The following SLC1A2 variants were observed in gnomAD, a reference collection of about 807,000 sequenced individuals.
The protein encoded by SLC1A2 is solute carrier family 1 member 2.
A neutral mutation model predicts 48.8 loss-of-function variants in SLC1A2; 15 were observed. That is an observed-to-expected ratio of 0.31 (90% CI 0.21 to 0.47). The LOEUF is 0.47. Among genes scored for constraint, SLC1A2 ranks in the 20% least tolerant of loss-of-function variants. The pLI, the probability that SLC1A2 is intolerant of heterozygous loss-of-function variation, is 0.99. For missense variants in SLC1A2, 502 were observed against 730.5 expected, an observed-to-expected ratio of 0.69 and a Z score of 3.61; for synonymous variants, 279 against 272.6, an observed-to-expected ratio of 1.02 and a Z score of -0.23.
chr11:35,318,154 A>T (rs1273491127), intron 1 of SLC1A2, among the ~76,000 whole-genome samples: 2 of 152,256 alleles, frequency 1.3e-5, no homozygotes, highest in Non-Finnish European at 2.9e-5. Flanking sequence ...TACCACTTAG[A>T]GTCCAAGAAG....
intron 1 of SLC1A2, among the ~76,000 whole-genome samples, chr11:35,370,086 C>T (rs920654906): frequency 1.3e-5 from 2 of 152,198 alleles, no homozygotes; most frequent in African/African-American, 4.8e-5. Flanking sequence ...GCACAGTTGT[C>T]AGTAACAATA....
In SLC1A2 at chr11:35,273,672, C is replaced by T. The variant is rs1181720928; in HGVS notation, c.1421+7195G>A. 2.6e-5 allele frequency among the ~76,000 whole-genome samples: 4 copies of T among 152,258 alleles called. No individual in the cohort carries two copies. In the South Asian group the frequency reaches 6.2e-4, roughly 24 times the overall value. Reference sequence around the variant, plus strand: ...ATTTCTTTTTGCACCTAGGAGGCTCCATTGGGATTTCTTGACCCCATTACT... The same window carrying T: ...ATTTCTTTTTGCACCTAGGAGGCTCTATTGGGATTTCTTGACCCCATTACT... On this transcript the variant is annotated intron_variant, in intron 9 of 10. Coordinates refer to ENST00000278379, the MANE Select transcript of SLC1A2 (RefSeq NM_004171.4).
chr11:35,370,847 CAAG>C (rs1288455217), intron 1 of SLC1A2: 1 of 590,936 alleles, frequency 1.7e-6, no homozygotes, highest in Non-Finnish European at 2.1e-6. Flanking sequence ...CCTCCCAGGC[CAAG>C]AAGAACATGA....
intron 1 of SLC1A2, among the ~76,000 whole-genome samples, chr11:35,331,909 C>A (rs1852443326): frequency 6.6e-6 from 1 of 152,164 alleles, no homozygotes; most frequent in Non-Finnish European, 1.5e-5. Context: ...ATACATCTAT[C>A]CCTGGGCCCT....
intron 9 of SLC1A2, among the ~76,000 whole-genome samples, chr11:35,275,410 A>C (rs1321156326): frequency 6.6e-6 from 1 of 151,988 alleles, no homozygotes; most frequent in Admixed American, 6.6e-5. Context: ...TTACCACTCC[A>C]TCCTGCCTCC....
intron 5 of SLC1A2, among the ~76,000 whole-genome samples, chr11:35,304,821 T>C (rs1197677032): frequency 2.6e-5 from 4 of 152,172 alleles, no homozygotes; most frequent in Non-Finnish European, 5.9e-5. Context: ...ACTTTTTTTT[T>C]AGTATTATTA....
At chr11:35,377,274 G>C (rs1219343734) in intron 1 of SLC1A2, among the ~76,000 whole-genome samples, 2 of 152,174 alleles carry the variant, frequency 1.3e-5, no homozygotes, top group Non-Finnish European at 2.9e-5. Context: ...TGGAAACCAC[G>C]TGTCTCAAGA....
intron 1 of SLC1A2, among the ~76,000 whole-genome samples, chr11:35,382,289 T>C (rs1431456612): frequency 6.6e-6 from 1 of 152,236 alleles, no homozygotes; most frequent in Non-Finnish European, 1.5e-5. Context: ...ATATTTTCAC[T>C]ATTACAGAGA....
intron 1 of SLC1A2, among the ~76,000 whole-genome samples, chr11:35,398,024 G>C (rs1855020554): frequency 6.6e-6 from 1 of 152,204 alleles, no homozygotes; most frequent in African/African-American, 2.4e-5. Flanking sequence ...CCAGCAGCCA[G>C]CAGCACAGGC....
Position 35,253,686 on chromosome 11 carries a change from T to C in SLC1A2, c.*7208A>G, listed in dbSNP as rs12016674. 22 of 152,624 alleles carry C rather than the reference T, an allele frequency of 1.4e-4. No homozygotes were observed. The highest frequency in any genetic ancestry group is 5.3e-4 in the African/African-American group (22 of 41,460). 9.5% of individuals were successfully genotyped at this position (152,624 alleles called of 1,614,324 possible). On this transcript the variant is annotated 3_prime_UTR_variant, in exon 11 of 11. Coordinates refer to ENST00000278379, the MANE Select transcript of SLC1A2 (RefSeq NM_004171.4). ...GTTTATTGCATCACTAAAGACTGGG[T>C]TCTTAAATTTGTCAAATGTGACTAT...
chr11:35,281,482 T>C (rs904961846), intron 8 of SLC1A2, among the ~76,000 whole-genome samples: 7 of 152,116 alleles, frequency 4.6e-5, no homozygotes, highest in Non-Finnish European at 1.0e-4. Context: ...GAACTCAGAA[T>C]AGCAAATATC....
chr11:35,415,440 T>C (rs1327894753), intron 1 of SLC1A2, among the ~76,000 whole-genome samples: 1 of 152,200 alleles, frequency 6.6e-6, no homozygotes. Context: ...AGGAGGCTGA[T>C]TTCTATATTA....
intron 1 of SLC1A2, among the ~76,000 whole-genome samples, chr11:35,321,489 A>G (rs1852066494): frequency 6.6e-6 from 1 of 152,040 alleles, no homozygotes; most frequent in African/African-American, 2.4e-5. Flanking sequence ...ACAATTTGGA[A>G]ATCTGTCTTA....
chr11:35,316,689 A>T (rs1230139177), intron 2 of SLC1A2: 3 of 152,240 alleles, frequency 2.0e-5, no homozygotes, highest in African/African-American at 7.2e-5. Flanking sequence ...GGGATTGAGA[A>T]AGGAAATGGT....
rs1851063515 is a variant in SLC1A2 at position 35,293,065 on chromosome 11, C to T, written c.858-545G>A. Reference sequence around the variant, plus strand: ...TTAGAGAAAAGTGGTTTTATGACTTCTAAGTCTGAAAGTCTTTTTTCCATA... The same window carrying T: ...TTAGAGAAAAGTGGTTTTATGACTTTTAAGTCTGAAAGTCTTTTTTCCATA... On this transcript the variant is annotated intron_variant, in intron 6 of 10. Coordinates refer to ENST00000278379, the MANE Select transcript of SLC1A2 (RefSeq NM_004171.4). 2.0e-5 allele frequency among the ~76,000 whole-genome samples: 3 copies of T among 152,246 alleles called. No homozygotes were observed. In the South Asian group the frequency reaches 6.2e-4, roughly 32 times the overall value.
chr11:35,343,627 C>G (rs1852921105), intron 1 of SLC1A2, among the ~76,000 whole-genome samples: 1 of 152,254 alleles, frequency 6.6e-6, no homozygotes, highest in South Asian at 2.1e-4. Context: ...GTGTCAAGAG[C>G]CTGGACACCA....
intron 1 of SLC1A2, among the ~76,000 whole-genome samples, chr11:35,407,508 T>G (rs1158801159): frequency 6.6e-6 from 1 of 152,260 alleles, no homozygotes; most frequent in Non-Finnish European, 1.5e-5. Flanking sequence ...TTGCCTTATC[T>G]GCTTTCCTAG....
chr11:35,409,210 T>A (rs1427881599), intron 1 of SLC1A2, among the ~76,000 whole-genome samples: 1 of 152,238 alleles, frequency 6.6e-6, no homozygotes, highest in Non-Finnish European at 1.5e-5. Context: ...AACATATACG[T>A]ACCTTTGGCT....
chr11:35,353,364 C>T (rs1387212051), intron 1 of SLC1A2, among the ~76,000 whole-genome samples: 10 of 152,132 alleles, frequency 6.6e-5, no homozygotes, highest in African/African-American at 2.4e-4. Flanking sequence ...CTCATCCTTC[C>T]AATCTTGAAT....
Sources: gnomAD v4.1 joint callset for allele counts (sites outside exome capture counted in the v4.1 genomes callset) on GRCh38, gnomAD v4.1.1 for gene constraint, MANE v1.5 for transcripts, NCBI Gene and HGNC (gene_info 2026-07-23, HGNC 2026-07-21) for gene names.